KANSL1L: variants seen among roughly 807,000 people sequenced by gnomAD.
The protein encoded by KANSL1L is KAT8 regulatory NSL complex subunit 1 like.
Under a neutral mutation model 108.6 loss-of-function variants are expected in KANSL1L, and 25 were observed. That is an observed-to-expected ratio of 0.23 (90% CI 0.17 to 0.32). KANSL1L has a LOEUF of 0.32. KANSL1L is among the 10% of genes least tolerant of loss of function. KANSL1L has a pLI of 1.00. For synonymous variants in KANSL1L, 405 were observed against 395.1 expected (o/e 1.03, Z -0.30); for missense variants, 1,137 against 1,125.7 (o/e 1.01, Z -0.14).
In KANSL1L at chr2:210,043,927, A is replaced by G; in HGVS notation, c.1921+12T>C. 5 of 1,538,272 alleles carry G rather than the reference A, an allele frequency of 3.3e-6. No homozygotes were observed. Among genetic ancestry groups the G allele is most frequent in the Non-Finnish European group, 4.4e-6 (5 of 1,136,232 alleles). Reference sequence around the variant, plus strand: ...AATATCGTTACTTAGAAATTGTTACAAGGAGGCTTACCTGATGGCAATGAT... The same window carrying G: ...AATATCGTTACTTAGAAATTGTTACGAGGAGGCTTACCTGATGGCAATGAT... On this transcript the variant is annotated intron_variant, in intron 7 of 14. Coordinates refer to ENST00000281772, the MANE Select transcript of KANSL1L (RefSeq NM_152519.4).
chr2:210,131,381 G>C (rs1196008194), intron 2 of KANSL1L, among the ~76,000 whole-genome samples: 2 of 152,140 alleles, frequency 1.3e-5, no homozygotes, highest in Non-Finnish European at 2.9e-5. Flanking sequence ...GTATGGCATA[G>C]AAGTGAGCTT....
At chr2:210,026,892 T>C (rs2093945434) in intron 12 of KANSL1L, among the ~76,000 whole-genome samples, 1 of 152,160 alleles carries the variant, frequency 6.6e-6, no homozygotes, top group Admixed American at 6.5e-5. Context: ...TGCCTCAGCC[T>C]CCCAAGTAGC....
chr2:210,127,549 C>T (rs1286746478), intron 3 of KANSL1L, among the ~76,000 whole-genome samples: 1 of 151,910 alleles, frequency 6.6e-6, no homozygotes, highest in Non-Finnish European at 1.5e-5. Context: ...GTCATACCAG[C>T]ACTTTTTGAG....
chr2:210,122,051 G>A (rs2095026281), intron 3 of KANSL1L, among the ~76,000 whole-genome samples: 1 of 151,970 alleles, frequency 6.6e-6, no homozygotes, highest in Non-Finnish European at 1.5e-5. Flanking sequence ...ACACAAAAAG[G>A]AGATATTCCA....
chr2:210,156,489 A>G (rs1321175943), intron 1 of KANSL1L, among the ~76,000 whole-genome samples: 2 of 152,146 alleles, frequency 1.3e-5, no homozygotes, highest in African/African-American at 4.8e-5. Context: ...ATTAAAAAGG[A>G]ATGACTTAAA....
At chr2:210,113,127 T>C (rs1395608673) in intron 3 of KANSL1L, among the ~76,000 whole-genome samples, 1 of 152,162 alleles carries the variant, frequency 6.6e-6, no homozygotes, top group Non-Finnish European at 1.5e-5. Flanking sequence ...CAACCATTGT[T>C]GTAGTACCTC....
At chr2:210,110,762 G>C (rs898350188) in intron 3 of KANSL1L, among the ~76,000 whole-genome samples, 1 of 152,160 alleles carries the variant, frequency 6.6e-6, no homozygotes, top group East Asian at 1.9e-4. Context: ...TAGTAGCAGA[G>C]AATATGCTAG....
chr2:210,068,301 T>G (rs540899277), intron 6 of KANSL1L, among the ~76,000 whole-genome samples: 8 of 152,306 alleles, frequency 5.3e-5, no homozygotes, highest in African/African-American at 1.9e-4. Flanking sequence ...TTTTTCTTGT[T>G]TTTTTTAGCC....
intron 2 of KANSL1L, among the ~76,000 whole-genome samples, chr2:210,137,433 G>C (rs2095184017): frequency 6.6e-6 from 1 of 152,170 alleles, no homozygotes; most frequent in African/African-American, 2.4e-5. Flanking sequence ...CACACACAAA[G>C]TGTGTAAAAA....
intron 6 of KANSL1L, among the ~76,000 whole-genome samples, chr2:210,048,531 T>G (rs1208353573): frequency 3.3e-5 from 5 of 152,128 alleles, no homozygotes; most frequent in Admixed American, 6.5e-5. Flanking sequence ...TTCTAATATT[T>G]GAAGTTATTT....
chr2:210,044,409 T>C lies in KANSL1L; in HGVS notation c.1756-305A>G, dbSNP rs1380554599. On this transcript the variant is annotated intron_variant, in intron 6 of 14. Transcript: ENST00000281772. The surrounding 1 kb of genome is among the most constrained non-coding windows in gnomAD (Gnocchi z 4.2). ...AAACATACTAGCTGGGAATGATAAC[T>C]GTAATTTTTTTCCTTCAATCCTACT... Among the ~76,000 whole-genome samples, 2 of 146,566 alleles carry C rather than the reference T, an allele frequency of 1.4e-5. No homozygotes were observed. Among genetic ancestry groups the C allele is most frequent in the African/African-American group, 2.8e-5 (1 of 36,232 alleles).
intron 2 of KANSL1L, among the ~76,000 whole-genome samples, chr2:210,141,139 TC>T (rs1292406165): frequency 6.9e-6 from 1 of 145,204 alleles, no homozygotes; most frequent in Non-Finnish European, 1.5e-5. Context: ...CCTTCCTTCC[TC>T]CCTTCCCTTC....
At chr2:210,037,944 C>T (rs990945884) in intron 8 of KANSL1L, among the ~76,000 whole-genome samples, 7 of 152,060 alleles carry the variant, frequency 4.6e-5, no homozygotes, top group East Asian at 3.9e-4. Context: ...CCATACATTG[C>T]ATTTGATTGA....
chr2:210,138,005 T>C (rs1268414449), intron 2 of KANSL1L, among the ~76,000 whole-genome samples: 1 of 152,006 alleles, frequency 6.6e-6, no homozygotes. Context: ...CACTCCACCC[T>C]GGGCAACAGA....
At chr2:210,083,130 A>G (rs2094603467) in intron 5 of KANSL1L, among the ~76,000 whole-genome samples, 1 of 152,194 alleles carries the variant, frequency 6.6e-6, no homozygotes, top group Non-Finnish European at 1.5e-5. Flanking sequence ...TATGTCTTAC[A>G]AGGAAAGTCA....
At chr2:210,038,229 C>A (rs148324913) in intron 8 of KANSL1L, among the ~76,000 whole-genome samples, 4 of 152,048 alleles carry the variant, frequency 2.6e-5, no homozygotes, top group East Asian at 1.9e-4. Flanking sequence ...AGACTAGATT[C>A]TTGGAAATGG....
chr2:210,063,789 T>G lies in KANSL1L; in HGVS notation c.1755+11763A>C, dbSNP rs944897036. 4 of 152,236 alleles carry G rather than the reference T, an allele frequency of 2.6e-5. No individual in the cohort carries two copies. The South Asian group carries it at 8.3e-4, about 32-fold the overall frequency. 9.4% of individuals were successfully genotyped at this position (152,236 alleles called of 1,614,324 possible). A position where few individuals can be genotyped will look rare whatever the true frequency, so the allele number is the denominator to read the frequency against. On this transcript the variant is annotated intron_variant, in intron 6 of 14. Transcript: ENST00000281772. Reference sequence around the variant, plus strand: ...ACCTGCTTTTGATTTTACAGGCTCATAGGCGAAAGGGAATTGCCTTATTTC... The same window carrying G: ...ACCTGCTTTTGATTTTACAGGCTCAGAGGCGAAAGGGAATTGCCTTATTTC...
At position 210,022,890 on chromosome 2, in the gene KANSL1L, A is replaced by T; in HGVS notation, c.*59T>A. Reference sequence around the variant, plus strand: ...CTGGAGGGGATGGGGGATCCAGAACAGGGCTTTATTTCCTCCCATCTTTCC... The same window carrying T: ...CTGGAGGGGATGGGGGATCCAGAACTGGGCTTTATTTCCTCCCATCTTTCC... On this transcript the variant is annotated 3_prime_UTR_variant, in exon 15 of 15. Coordinates refer to ENST00000281772, the MANE Select transcript of KANSL1L (RefSeq NM_152519.4). 8.6e-7 allele frequency: 1 copy of T among 1,164,670 alleles called. No individual in the cohort carries two copies. Among genetic ancestry groups the T allele is most frequent in the South Asian group, 1.3e-5 (1 of 78,456 alleles). 72.1% of individuals were successfully genotyped at this position (1,164,670 alleles called of 1,614,324 possible).
chr2:210,092,630 T>A (rs1475882606), intron 5 of KANSL1L, among the ~76,000 whole-genome samples: 3 of 152,228 alleles, frequency 2.0e-5, no homozygotes, highest in African/African-American at 4.8e-5. Flanking sequence ...CTGAAAACTT[T>A]ATGATCTTTT....
Sources: gnomAD v4.1 joint callset for allele counts (sites outside exome capture counted in the v4.1 genomes callset) on GRCh38, gnomAD v4.1.1 for gene constraint, Gnocchi (gnomAD v3.1) non-coding constraint, MANE v1.5 for transcripts, NCBI Gene and HGNC (gene_info 2026-07-23, HGNC 2026-07-21) for gene names.